Variants in IL15 observed in about 807,000 individuals in gnomAD.
IL15 encodes interleukin-15.
A neutral mutation model predicts 19.6 loss-of-function variants in IL15; 11 were observed. The observed-to-expected ratio is 0.56, with a 90% CI of 0.35 to 0.93. IL15 has a LOEUF of 0.93. IL15 is among the 40% of genes least tolerant of loss of function. IL15 has a pLI of 0.01. For synonymous variants in IL15, 58 were observed against 59.6 expected (o/e 0.97, Z 0.12); for missense variants, 197 against 186.5 (o/e 1.06, Z -0.33).
intron 2 of IL15, among the ~76,000 whole-genome samples, chr4:141,707,146 C>G (rs913494693): frequency 2.0e-5 from 3 of 152,026 alleles, no homozygotes; most frequent in African/African-American, 7.2e-5. Context: ...TTTCAAACGC[C>G]TGTTTTCTAG....
chr4:141,690,121 C>T (rs192816094), intron 2 of IL15, among the ~76,000 whole-genome samples: 21 of 151,086 alleles, frequency 1.4e-4, no homozygotes, highest in African/African-American at 4.4e-4. Flanking sequence ...CCTCATTGCC[C>T]GGGGCCAGCA....
intron 3 of IL15, among the ~76,000 whole-genome samples, chr4:141,720,111 AT>A (rs1169286180): frequency 6.6e-6 from 1 of 152,116 alleles, no homozygotes; most frequent in African/African-American, 2.4e-5. Flanking sequence ...TGTATAAAAT[AT>A]TTTGACCTAT....
At chr4:141,645,905 A>G (rs1039459363) in intron 1 of IL15, among the ~76,000 whole-genome samples, 4 of 152,066 alleles carry the variant, frequency 2.6e-5, no homozygotes, top group African/African-American at 9.7e-5. Flanking sequence ...CGGTAGTTTC[A>G]GGGTTGTCAG....
intron 1 of IL15, among the ~76,000 whole-genome samples, chr4:141,641,244 G>T (rs188700950): frequency 6.6e-6 from 1 of 152,002 alleles, no homozygotes; most frequent in African/African-American, 2.4e-5. Context: ...AAGGATTTTC[G>T]TTGTGAAAAT....
chr4:141,712,859 CA>C (rs1729755499), intron 2 of IL15, among the ~76,000 whole-genome samples: 1 of 151,334 alleles, frequency 6.6e-6, no homozygotes, highest in African/African-American at 2.4e-5. Flanking sequence ...TTAAGCATTC[CA>C]AAGAACTTAA....
intron 1 of IL15, among the ~76,000 whole-genome samples, chr4:141,646,577 T>A (rs952168722): frequency 6.6e-6 from 1 of 152,132 alleles, no homozygotes; most frequent in African/African-American, 2.4e-5. Flanking sequence ...GGAATTCAGA[T>A]TATTTTTCAG....
At chr4:141,708,763 C>T (rs1353986755) in intron 2 of IL15, among the ~76,000 whole-genome samples, 3 of 152,222 alleles carry the variant, frequency 2.0e-5, no homozygotes, top group Non-Finnish European at 4.4e-5. Context: ...CAGCATACTT[C>T]CTCAGTCACT....
intron 2 of IL15, among the ~76,000 whole-genome samples, chr4:141,697,745 C>T (rs1237060993): frequency 6.6e-5 from 10 of 151,612 alleles, no homozygotes; most frequent in Admixed American, 6.6e-4. Context: ...AGGTATATTC[C>T]TTTATTTTTT....
chr4:141,715,048 G>A (rs991769093), intron 2 of IL15: 1 of 152,190 alleles, frequency 6.6e-6, no homozygotes, highest in Non-Finnish European at 1.5e-5. Context: ...CTGTGTCCAA[G>A]GCTTGCTTTT....
rs559485131 is a variant in IL15, at chr4:141,666,406, A to G, written c.-100+10099A>G. On this transcript the variant is annotated intron_variant, in intron 2 of 7. Coordinates refer to ENST00000320650, the MANE Select transcript of IL15 (RefSeq NM_000585.5). ...GGTCTCACTCTCTCAGCCAGCCTGG[A>G]GGGCGGTGGCACAATCTTGGCCCAG... Among the ~76,000 whole-genome samples, 20 of 152,274 alleles carry G rather than the reference A, an allele frequency of 1.3e-4. No homozygotes were observed. The South Asian group carries it at 4.1e-3, about 32-fold the overall frequency.
intron 2 of IL15, among the ~76,000 whole-genome samples, chr4:141,663,519 T>C (rs1195407176): frequency 6.6e-6 from 1 of 152,192 alleles, no homozygotes; most frequent in Non-Finnish European, 1.5e-5. Context: ...TAGGCATGAT[T>C]GAAGCATAAA....
intron 1 of IL15, among the ~76,000 whole-genome samples, chr4:141,652,818 G>T (rs1000310244): frequency 6.6e-6 from 1 of 152,134 alleles, no homozygotes; most frequent in Admixed American, 6.6e-5. Context: ...TATTCCTGAG[G>T]ATTATGGTAA....
intron 4 of IL15, 160 bp from the exon 5 acceptor site, chr4:141,721,764 G>A: frequency 4.5e-6 from 3 of 663,734 alleles, no homozygotes; most frequent in Non-Finnish European, 7.6e-6. Context: ...TATGCTCAAT[G>A]TTTATGTTCA....
intron 2 of IL15, among the ~76,000 whole-genome samples, chr4:141,667,658 G>A (rs968591343): frequency 7.2e-5 from 11 of 151,922 alleles, no homozygotes; most frequent in Non-Finnish European, 8.8e-5. Context: ...TCTGCTTTCC[G>A]GGGCTCTGTT....
chr4:141,673,434 A>C (rs1728239308), intron 2 of IL15, among the ~76,000 whole-genome samples: 1 of 152,194 alleles, frequency 6.6e-6, no homozygotes, highest in Admixed American at 6.5e-5. Context: ...TATGGGAATT[A>C]AGGTCACACA....
rs70949131 is a variant in IL15, at chr4:141,693,016, CAAAAAA to C, written c.-99-26329_-99-26324del. Among the ~76,000 whole-genome samples the C allele has an allele frequency of 6.5e-3, 150 of 23,242 alleles. 6 individuals carry two copies. The highest frequency in any genetic ancestry group is 0.026 in the East Asian group (18 of 688). The allele number at this position is 23,242 out of a possible 152,430, so 15.2% of individuals were successfully genotyped here. On this transcript the variant is annotated intron_variant, in intron 2 of 7. Coordinates refer to ENST00000320650, the MANE Select transcript of IL15 (RefSeq NM_000585.5). ...AGGGGAACAGAGCAAGACTCCGTCTCAAAAAAAAAAAAAAAAAAAAAAAAAAGATAC... is the reference window on the plus strand; with the variant it reads ...AGGGGAACAGAGCAAGACTCCGTCTCAAAAAAAAAAAAAAAAAAAAGATAC...
chr4:141,687,143 C>T (rs1038048836), intron 2 of IL15, among the ~76,000 whole-genome samples: 3 of 152,182 alleles, frequency 2.0e-5, no homozygotes, highest in African/African-American at 7.2e-5. Context: ...TCTCACTTGG[C>T]ATGGTCTCAG....
chr4:141,714,393 A>T (rs564570625), intron 2 of IL15, among the ~76,000 whole-genome samples: 64 of 151,930 alleles, frequency 4.2e-4, no homozygotes, highest in South Asian at 1.3e-3. Context: ...TCCCATCAGC[A>T]TGCAAACATG....
chr4:141,676,467 C>T (rs1728349215), intron 2 of IL15, among the ~76,000 whole-genome samples: 1 of 152,042 alleles, frequency 6.6e-6, no homozygotes. Flanking sequence ...CTACTTGATC[C>T]CAAACACAAC....
Sources: allele counts gnomAD v4.1 joint callset (sites outside exome capture counted in the v4.1 genomes callset), GRCh38; gene constraint gnomAD v4.1.1; transcripts MANE v1.5; gene names NCBI Gene and HGNC (gene_info 2026-07-23, HGNC 2026-07-21).